Variants in EARS2 observed in about 807,000 individuals in gnomAD.
EARS2 encodes glutamyl-tRNA synthetase 2, mitochondrial.
Under a neutral mutation model 54.1 loss-of-function variants are expected in EARS2, and 50 were observed. That is an observed-to-expected ratio of 0.92 (90% confidence interval 0.74 to 1.17). The LOEUF is 1.17. Ranked by LOEUF, EARS2 falls within the 50% of genes most tolerant of loss-of-function variation. The pLI, the probability that EARS2 is intolerant of heterozygous loss-of-function variation, is 0.00. For synonymous variants in EARS2, 298 were observed against 281.0 expected, an observed-to-expected ratio of 1.06 and a Z score of -0.61; for missense variants, 673 against 675.0, an observed-to-expected ratio of 1.00 and a Z score of 0.03.
intron 4 of EARS2, among the ~76,000 whole-genome samples, chr16:23,534,167 T>C (rs1355425913): frequency 1.3e-5 from 2 of 152,214 alleles, no homozygotes; most frequent in Non-Finnish European, 2.9e-5. Flanking sequence ...TAAAGCGCTA[T>C]ATCCCTCACT....
At chr16:23,524,513 C>T (rs1965192185) in intron 8 of EARS2, 59 bp from the exon 9 acceptor site, 1 of 1,477,638 alleles carries the variant, frequency 6.8e-7, no homozygotes, top group Admixed American at 1.7e-5. Context: ...AGAACTGAAG[C>T]TCAGCCTTAG....
chr16:23,542,477 A>G (rs952473632), intron 3 of EARS2, among the ~76,000 whole-genome samples: 2 of 148,846 alleles, frequency 1.3e-5, no homozygotes, highest in Non-Finnish European at 3.0e-5. Flanking sequence ...CACCACGCCC[A>G]GCTAATTTTT....
At chr16:23,539,358 T>A (rs1965476245) in intron 3 of EARS2, among the ~76,000 whole-genome samples, 2 of 152,212 alleles carry the variant, frequency 1.3e-5, no homozygotes, top group African/African-American at 2.4e-5. Context: ...TCTGTTCTTT[T>A]CCAACCAAAT....
Position 23,535,348 on chromosome 16 carries a change from C to A in EARS2, c.498G>T (p.Arg166=). The change falls in exon 4 of 9, where the codon CGG becomes CGT. Residue 166 remains arginine (R), a synonymous_variant. Coordinates refer to ENST00000449606, the MANE Select transcript of EARS2 (RefSeq NM_001083614.2). ...CCTGCTCCTGGCTCATGTTCCTGCA[C>A]CGATTGTCATACCTGATGGGGAGCA... ...RNHQTPRYDN[R]CRNMSQEQVA... 6.3e-7 allele frequency: 1 copy of A among 1,598,904 alleles called. No homozygotes were observed. Among genetic ancestry groups the A allele is most frequent in the Admixed American group, 1.7e-5 (1 of 60,014 alleles).
At position 23,522,120 on chromosome 16, in the gene EARS2, A is replaced by T. The variant is rs1965149745; in HGVS notation, c.*2251T>A. 3.8e-6 allele frequency: 1 copy of T among 263,548 alleles called. No individual in the cohort carries two copies. The highest frequency in any genetic ancestry group is 2.2e-5 in the African/African-American group (1 of 45,618). The allele number at this position is 263,548 out of a possible 1,614,324, so 16.3% of individuals were successfully genotyped here. ...CTCATATAAGCGCACAATAAATTACAAGTATTATTATTGTCCCCTTCTGTG... is the reference window on the plus strand; with the variant it reads ...CTCATATAAGCGCACAATAAATTACTAGTATTATTATTGTCCCCTTCTGTG... On this transcript the variant is annotated 3_prime_UTR_variant, in exon 9 of 9. Coordinates refer to ENST00000449606, the MANE Select transcript of EARS2 (RefSeq NM_001083614.2).
intron 2 of EARS2, among the ~76,000 whole-genome samples, chr16:23,547,425 G>A (rs754791251): frequency 6.6e-6 from 1 of 152,160 alleles, no homozygotes; most frequent in Non-Finnish European, 1.5e-5. Flanking sequence ...AGTGGTGACG[G>A]TTGCGCAACA....
rs184418326 is a variant in EARS2, at chr16:23,527,241, C to T, written c.1353-1862G>A. Among the ~76,000 whole-genome samples the T allele has an allele frequency of 2.0e-5, 3 of 152,280 alleles. 1 individual carries two copies. In the East Asian group the frequency reaches 5.8e-4, roughly 29 times the overall value. On this transcript the variant is annotated intron_variant, in intron 7 of 8. Coordinates refer to ENST00000449606, the MANE Select transcript of EARS2 (RefSeq NM_001083614.2). ...TCACCCTCCCAGAATACTGGGATTA[C>T]AGGTACAAGCCACAGTGTCCAGCCT... is the stretch of plus-strand genomic sequence containing the variant.
rs547094685 is a variant in EARS2, at chr16:23,523,535, C to T, written c.*836G>A. 1 of 152,342 alleles carries T rather than the reference C, an allele frequency of 6.6e-6. No homozygotes were observed. The highest frequency in any genetic ancestry group is 2.4e-5 in the African/African-American group (1 of 41,546). 9.4% of individuals were successfully genotyped at this position (152,342 alleles called of 1,614,324 possible). ...CCCTTGGCAGTGGAGTCACACTTCT[C>T]CTTTTACAACCCCAAAGAAAGTCTG... On this transcript the variant is annotated 3_prime_UTR_variant, in exon 9 of 9. Transcript: ENST00000449606.
intron 5 of EARS2, among the ~76,000 whole-genome samples, chr16:23,531,641 A>G (rs948290877): frequency 2.0e-5 from 3 of 152,132 alleles, no homozygotes; most frequent in Non-Finnish European, 4.4e-5. Flanking sequence ...CTGACCTCAT[A>G]GGTCTGATGG....
intron 1 of EARS2, among the ~76,000 whole-genome samples, chr16:23,555,487 G>GTC (rs1428995476): frequency 1.3e-5 from 2 of 152,002 alleles, no homozygotes; most frequent in East Asian, 3.9e-4. Flanking sequence ...GCCAAACCCT[G>GTC]TCTCAAAATA....
chr16:23,554,549 A>G (rs1263943831), intron 1 of EARS2, among the ~76,000 whole-genome samples: 1 of 152,198 alleles, frequency 6.6e-6, no homozygotes. Flanking sequence ...ATTTACAAGT[A>G]CAAGAGGCAG....
intron 1 of EARS2, among the ~76,000 whole-genome samples, chr16:23,553,989 T>G (rs1965737073): frequency 6.6e-6 from 1 of 152,068 alleles, no homozygotes; most frequent in South Asian, 2.1e-4. Flanking sequence ...CTACTTGAGA[T>G]TTTTACTTTT....
chr16:23,542,316 C>CTTTTTTTTTTTTTTTTT (rs745418385), intron 3 of EARS2, among the ~76,000 whole-genome samples: 4 of 93,696 alleles, frequency 4.3e-5, no homozygotes, highest in Non-Finnish European at 5.9e-5. Flanking sequence ...TTTCATTTTT[C>CTTTTTTTTTTTTTTTTT]TTTTTTTTTT....
At chr16:23,540,401 C>G (rs1431892257) in intron 3 of EARS2, among the ~76,000 whole-genome samples, 1 of 152,194 alleles carries the variant, frequency 6.6e-6, no homozygotes, top group Non-Finnish European at 1.5e-5. Flanking sequence ...CTTGGCCAAA[C>G]AGCTGAGCCC....
chr16:23,556,893 T>A, intron 1 of EARS2: 1 of 604,480 alleles, frequency 1.7e-6, no homozygotes, highest in Non-Finnish European at 3.1e-6. Flanking sequence ...CCCCTACCTT[T>A]CTCAATGATC....
At chr16:23,528,656 T>G (rs991811426) in intron 7 of EARS2, among the ~76,000 whole-genome samples, 14 of 152,216 alleles carry the variant, frequency 9.2e-5, no homozygotes, top group Non-Finnish European at 1.8e-4. Flanking sequence ...ATCCCAGCAC[T>G]CTGTGAGGCT....
chr16:23,537,704 C>T (rs1597015684), intron 3 of EARS2: 1 of 152,136 alleles, frequency 6.6e-6, no homozygotes, highest in East Asian at 1.9e-4. Context: ...TCCCGAGCAG[C>T]TAGGACTACA....
chr16:23,537,237 CATA>C (rs1328207185), intron 3 of EARS2: 2 of 156,438 alleles, frequency 1.3e-5, no homozygotes, highest in Non-Finnish European at 1.4e-5. Context: ...CGGCAGTAAA[CATA>C]ATAACATGTT....
At chr16:23,538,970 C>A (rs1439915685) in intron 3 of EARS2, among the ~76,000 whole-genome samples, 2 of 135,462 alleles carry the variant, frequency 1.5e-5, no homozygotes, top group African/African-American at 2.7e-5. Context: ...TATGGCCCCC[C>A]TCCTTTTTTT....
Sources: gnomAD v4.1 joint callset for allele counts (sites outside exome capture counted in the v4.1 genomes callset) on GRCh38, gnomAD v4.1.1 for gene constraint, MANE v1.5 for transcripts, NCBI Gene and HGNC (gene_info 2026-07-23, HGNC 2026-07-21) for gene names.